Variants in ETFA observed in about 807,000 individuals in gnomAD.
ETFA encodes the protein electron transfer flavoprotein subunit alpha, mitochondrial.
Under a neutral mutation model 46.2 loss-of-function variants are expected in ETFA, and 22 were observed. The ratio of observed to expected loss-of-function variants is 0.48; its 90% CI spans 0.34 to 0.68. The LOEUF (loss-of-function observed/expected upper bound fraction) is 0.68, where lower values mean the gene tolerates loss of function less well. Among genes scored for constraint, ETFA ranks in the 30% least tolerant of loss-of-function variants. The pLI, the probability that ETFA is intolerant of heterozygous loss-of-function variation, is 0.01. For missense variants in ETFA, 345 were observed against 401.1 expected, an observed-to-expected ratio of 0.86 and a Z score of 1.19; for synonymous variants, 131 against 139.9, an observed-to-expected ratio of 0.94 and a Z score of 0.45.
At chr15:76,240,485 C>A (rs2039174302) in intron 9 of ETFA, among the ~76,000 whole-genome samples, 1 of 152,196 alleles carries the variant, frequency 6.6e-6, no homozygotes, top group Non-Finnish European at 1.5e-5. Context: ...ATATCACTAG[C>A]ACACACTTCA....
At position 76,261,550 on chromosome 15, in the gene ETFA, G is replaced by A. The variant is rs185703247; in HGVS notation, c.816+12862C>T. 988 of 611,600 alleles carry A rather than the reference G, an allele frequency of 1.6e-3. 7 individuals are homozygous for A. The African/African-American group carries it at 0.017, about 11-fold the overall frequency. 37.9% of individuals were successfully genotyped at this position (611,600 alleles called of 1,614,324 possible). A position where few individuals can be genotyped will look rare whatever the true frequency, so the allele number is the denominator to read the frequency against. ...CCCCTGGGACACTGTCAGCTTTGCC[G>A]GGACTCCCACGAGCTTCAGACCTGC... On this transcript the variant is annotated intron_variant, in intron 9 of 11. Transcript: ENST00000557943.
At chr15:76,279,935 T>A in intron 8 of ETFA, among the ~76,000 whole-genome samples, 1 of 151,886 alleles carries the variant, frequency 6.6e-6, no homozygotes, top group South Asian at 2.1e-4. Context: ...TTGCCCAGGC[T>A]GTAATGCAGT....
At position 76,274,838 on chromosome 15, in the gene ETFA, AAG is replaced by A. The variant is rs563983538; in HGVS notation, c.734-346_734-345del. ...TACTATAAAGAGAAGATACTGGACA[AAG>A]AGTTTCATATAACAAGATGAAGGTT... On this transcript the variant is annotated intron_variant, in intron 8 of 11. Transcript: ENST00000557943. Among the ~76,000 whole-genome samples the A allele has an allele frequency of 9.8e-5, 15 of 152,348 alleles. 2 individuals are homozygous for A. In the South Asian group the frequency reaches 1.5e-3, roughly 15 times the overall value.
At chr15:76,257,981 G>C (rs1441546423) in intron 9 of ETFA, among the ~76,000 whole-genome samples, 3 of 134,714 alleles carry the variant, frequency 2.2e-5, no homozygotes, top group African/African-American at 5.6e-5. Context: ...AGAACACATG[G>C]ACACAGGAAG....
chr15:76,260,122 A>AACTC, intron 9 of ETFA: 2 of 1,486,582 alleles, frequency 1.3e-6, no homozygotes, highest in East Asian at 4.5e-5. Context: ...CACTGAACCA[A>AACTC]ACTCTCCTTT....
intron 9 of ETFA, among the ~76,000 whole-genome samples, chr15:76,272,222 C>CTTTTTT: frequency 7.3e-6 from 1 of 137,308 alleles, no homozygotes; most frequent in African/African-American, 2.7e-5. Flanking sequence ...TTCTTTCTTT[C>CTTTTTT]TTTTTTTTTT....
At chr15:76,263,169 CAATA>C (rs2039434477) in intron 9 of ETFA, among the ~76,000 whole-genome samples, 1 of 152,184 alleles carries the variant, frequency 6.6e-6, no homozygotes. Context: ...GTTTGATCAC[CAATA>C]AATAGTGTGG....
At chr15:76,291,441 A>G (rs1019070109) in intron 4 of ETFA, among the ~76,000 whole-genome samples, 3 of 75,140 alleles carry the variant, frequency 4.0e-5, no homozygotes, top group Middle Eastern at 8.2e-3. Flanking sequence ...GTAAGACTCC[A>G]TCTCGAAAAA....
chr15:76,248,257 T>A (rs116241547), intron 9 of ETFA, among the ~76,000 whole-genome samples: 1 of 152,104 alleles, frequency 6.6e-6, no homozygotes. Context: ...AAACTTGATA[T>A]GTAAAAGATG....
intron 8 of ETFA, among the ~76,000 whole-genome samples, chr15:76,278,766 A>G (rs2039620985): frequency 6.6e-6 from 1 of 152,148 alleles, no homozygotes; most frequent in Admixed American, 6.5e-5. Context: ...AAAGGATCAA[A>G]AGAGAATTTC....
chr15:76,263,101 T>C (rs1015431256), intron 9 of ETFA, among the ~76,000 whole-genome samples: 1 of 152,218 alleles, frequency 6.6e-6, no homozygotes, highest in African/African-American at 2.4e-5. Context: ...TAGCTGTAGC[T>C]CATTTGCTTG....
intron 11 of ETFA, among the ~76,000 whole-genome samples, chr15:76,221,871 C>A (rs1336906171): frequency 6.6e-6 from 1 of 152,072 alleles, no homozygotes; most frequent in African/African-American, 2.4e-5. Flanking sequence ...AAGGGTCAAG[C>A]AAAACAATTA....
chr15:76,261,865 C>T (rs551037909), intron 9 of ETFA, among the ~76,000 whole-genome samples: 1 of 152,272 alleles, frequency 6.6e-6, no homozygotes, highest in South Asian at 2.1e-4. Flanking sequence ...AATATTCACT[C>T]AGGCCAGGTG....
At chr15:76,304,661 C>CAAA (rs796277864) in intron 1 of ETFA, among the ~76,000 whole-genome samples, 1 of 87,112 alleles carries the variant, frequency 1.1e-5, no homozygotes, top group Non-Finnish European at 2.4e-5. Flanking sequence ...GACTCTATTT[C>CAAA]AAAAAAAAAA....
At chr15:76,307,597 G>A (rs986544069) in intron 1 of ETFA, among the ~76,000 whole-genome samples, 1 of 151,376 alleles carries the variant, frequency 6.6e-6, no homozygotes, top group Non-Finnish European at 1.5e-5. Context: ...AGCAAGTCTC[G>A]TGCCTCAGCC....
intron 9 of ETFA, among the ~76,000 whole-genome samples, chr15:76,269,583 G>T (rs2039508045): frequency 6.6e-6 from 1 of 152,174 alleles, no homozygotes; most frequent in South Asian, 2.1e-4. Flanking sequence ...TTGGCCCTCT[G>T]TTCCCACTTT....
chr15:76,283,751 CTTTACCT>C lies in ETFA; in HGVS notation c.732_733+5del. On this transcript the variant is annotated splice_donor_variant and splice_donor_5th_base_variant and coding_sequence_variant and intron_variant, in exon 8 of 12. Coordinates refer to ENST00000557943, the MANE Select transcript of ETFA (RefSeq NM_000126.4). LOFTEE classifies it high-confidence loss of function. ...AATATCTTTCTACTAAGGAAAATAA[CTTTACCT>C]GCAGCATGTAGTTGATCTGCCAAGT... The C allele has an allele frequency of 6.4e-7, 1 of 1,572,450 alleles. No homozygotes were observed. The highest frequency in any genetic ancestry group is 8.8e-7 in the Non-Finnish European group (1 of 1,142,514).
chr15:76,275,142 T>C (rs1329199774), intron 8 of ETFA, among the ~76,000 whole-genome samples: 1 of 152,142 alleles, frequency 6.6e-6, no homozygotes, highest in East Asian at 1.9e-4. Context: ...TCTGTCCCCA[T>C]AAGCCCCAAA....
chr15:76,231,993 C>T (rs564393760), intron 9 of ETFA, among the ~76,000 whole-genome samples: 76 of 152,058 alleles, frequency 5.0e-4, no homozygotes, highest in East Asian at 2.9e-3. Context: ...AACACACACA[C>T]GTACACATAC....
Sources: gnomAD v4.1 joint callset for allele counts (sites outside exome capture counted in the v4.1 genomes callset) on GRCh38, gnomAD v4.1.1 for gene constraint, MANE v1.5 for transcripts, NCBI Gene and HGNC (gene_info 2026-07-23, HGNC 2026-07-21) for gene names.